Variants in GRB10 observed in about 807,000 individuals in gnomAD.
GRB10 encodes the protein growth factor receptor-bound protein 10.
Under a neutral mutation model 80.9 loss-of-function variants are expected in GRB10, and 20 were observed. The observed-to-expected ratio is 0.25, with a 90% CI of 0.17 to 0.36. GRB10 has a LOEUF of 0.36. Among genes scored for constraint, GRB10 ranks in the 10% least tolerant of loss-of-function variants. The pLI is 1.00. For synonymous variants in GRB10, 291 were observed against 291.5 expected (o/e 1.00, Z 0.02); for missense variants, 548 against 747.7 (o/e 0.73, Z 3.12).
intron 1 of GRB10, among the ~76,000 whole-genome samples, chr7:50,792,117 C>T (rs1279279471): frequency 6.6e-6 from 1 of 152,160 alleles, no homozygotes; most frequent in East Asian, 1.9e-4. Flanking sequence ...GGGCTCCAAA[C>T]GGCTGAATCA....
chr7:50,750,849 G>A (rs4947446), intron 3 of GRB10, among the ~76,000 whole-genome samples: 138,131 of 152,220 alleles, frequency 0.91, 62,825 homozygotes, highest in African/African-American at 0.96. Context: ...TGGGTCCCCA[G>A]ATAACTCACC....
intron 7 of GRB10, among the ~76,000 whole-genome samples, chr7:50,669,505 T>C (rs2715110): frequency 0.85 from 129,844 of 152,208 alleles, 55,613 homozygotes; most frequent in East Asian, 0.96. Context: ...GCCTCCAAAA[T>C]TGGGGATTAC....
intron 7 of GRB10, among the ~76,000 whole-genome samples, chr7:50,640,704 A>G (rs1297972409): frequency 1.3e-5 from 2 of 152,196 alleles, no homozygotes; most frequent in Non-Finnish European, 2.9e-5. Context: ...AAATCATCTC[A>G]CATTTAAAAT....
intron 2 of GRB10, among the ~76,000 whole-genome samples, chr7:50,774,105 C>T (rs1017251690): frequency 8.5e-5 from 13 of 152,210 alleles, no homozygotes; most frequent in African/African-American, 3.1e-4. Context: ...AAGACACTCA[C>T]AAAAACCACA....
chr7:50,773,910 T>C lies in GRB10; in HGVS notation c.-217+6717A>G, dbSNP rs577856034. 2.0e-5 allele frequency among the ~76,000 whole-genome samples: 3 copies of C among 152,202 alleles called. No individual in the cohort carries two copies. In the South Asian group the frequency reaches 6.2e-4, roughly 31 times the overall value. On this transcript the variant is annotated intron_variant, in intron 2 of 18. Transcript: ENST00000401949. ...TCTCGCTCTATCACCCAGGCTGGAG[T>C]GCAGTGGCGTGATCTCAGCTCACTG...
At chr7:50,788,807 G>A (rs1562724147) in intron 1 of GRB10, among the ~76,000 whole-genome samples, 1 of 152,200 alleles carries the variant, frequency 6.6e-6, no homozygotes, top group Non-Finnish European at 1.5e-5. Flanking sequence ...AGTCATTTCA[G>A]TCCCAGCTAG....
At chr7:50,734,467 C>T (rs1587659023) in intron 3 of GRB10, among the ~76,000 whole-genome samples, 2 of 137,114 alleles carry the variant, frequency 1.5e-5, no homozygotes, top group South Asian at 2.5e-4. Context: ...ACACCCCCCA[C>T]GCACGCCGCA....
At position 50,679,387 on chromosome 7, in the gene GRB10, A is replaced by G. The variant is rs186423059; in HGVS notation, c.140-4729T>C. 1.5e-3 allele frequency among the ~76,000 whole-genome samples: 231 copies of G among 152,360 alleles called. 1 individual carries two copies. The highest frequency in any genetic ancestry group is 2.9e-3 in the Non-Finnish European group (199 of 68,034). On this transcript the variant is annotated intron_variant, in intron 5 of 18. Transcript: ENST00000401949. ...GAGGACAGAGAAACTCCGGGGACAGAGGATTTAACTTCTAGCACCATCTCA... is the reference window on the plus strand; with the variant it reads ...GAGGACAGAGAAACTCCGGGGACAGGGGATTTAACTTCTAGCACCATCTCA...
chr7:50,755,524 A>G (rs2074720), intron 3 of GRB10, among the ~76,000 whole-genome samples: 93,921 of 151,426 alleles, frequency 0.62, 31,850 homozygotes, highest in Middle Eastern at 0.87. Flanking sequence ...GCTCACGAGG[A>G]GTGCCCAGAG....
intron 7 of GRB10, among the ~76,000 whole-genome samples, chr7:50,660,345 G>C (rs1467804654): frequency 6.6e-6 from 1 of 152,192 alleles, no homozygotes; most frequent in Non-Finnish European, 1.5e-5. Context: ...AAGGGAGGTA[G>C]GGCACAGCCA....
Position 50,608,993 on chromosome 7 carries a change from T to A in GRB10, c.1195-2579A>T, listed in dbSNP as rs1384417625. Among the ~76,000 whole-genome samples the A allele has an allele frequency of 4.0e-5, 6 of 148,638 alleles. No individual in the cohort carries two copies. In the East Asian group the frequency reaches 1.2e-3, roughly 29 times the overall value. ...AAAAAAAAAAAAAAAAGATGTGATA[T>A]CTAGGGTAACCAGGAGAAAATAGTA... On this transcript the variant is annotated intron_variant, in intron 13 of 18. Transcript: ENST00000401949.
At chr7:50,790,623 G>T (rs2078872159) in intron 1 of GRB10, among the ~76,000 whole-genome samples, 1 of 152,256 alleles carries the variant, frequency 6.6e-6, no homozygotes, top group African/African-American at 2.4e-5. Flanking sequence ...GCTCTGACAG[G>T]CTGGCAACCT....
At chr7:50,709,433 T>G (rs572072367) in intron 4 of GRB10, among the ~76,000 whole-genome samples, 59 of 152,354 alleles carry the variant, frequency 3.9e-4, no homozygotes, top group African/African-American at 1.4e-3. Context: ...CCAGCTGGGC[T>G]GTTCCTTCCG....
intron 13 of GRB10, among the ~76,000 whole-genome samples, chr7:50,609,984 G>C (rs1466802016): frequency 6.6e-6 from 1 of 152,064 alleles, no homozygotes; most frequent in Non-Finnish European, 1.5e-5. Flanking sequence ...GAAGGTCCTA[G>C]GTTAATTCAA....
At chr7:50,628,766 G>C (rs2153594196) in intron 7 of GRB10, among the ~76,000 whole-genome samples, 1 of 152,300 alleles carries the variant, frequency 6.6e-6, no homozygotes, top group Non-Finnish European at 1.5e-5. Flanking sequence ...TCAGGACCCA[G>C]AGACTTGTTT....
At chr7:50,787,349 T>TAC, upstream of GRB10, among the ~76,000 whole-genome samples, 2 of 152,250 alleles carry the variant, frequency 1.3e-5, no homozygotes, top group South Asian at 4.1e-4. Context: ...TGGAAGTACG[T>TAC]ACAGAAAAAA....
chr7:50,629,438 T>G (rs1585967822), intron 7 of GRB10, among the ~76,000 whole-genome samples: 2 of 152,106 alleles, frequency 1.3e-5, no homozygotes. Flanking sequence ...GGCGAGACCC[T>G]GAGGGGGCAA....
chr7:50,705,183 G>A (rs1158216553), intron 4 of GRB10: 5 of 985,578 alleles, frequency 5.1e-6, no homozygotes, highest in East Asian at 1.1e-4. Flanking sequence ...TGTGCTTCAC[G>A]GACCACTCAC....
chr7:50,616,538 A>G (rs886696268), intron 10 of GRB10, among the ~76,000 whole-genome samples, 191 bp from the exon 11 acceptor site: 8 of 152,248 alleles, frequency 5.3e-5, no homozygotes, highest in Non-Finnish European at 1.2e-4. Context: ...ATTCGTATTT[A>G]AACATATGCA....
Sources: gnomAD v4.1 joint callset for allele counts (sites outside exome capture counted in the v4.1 genomes callset) on GRCh38, gnomAD v4.1.1 for gene constraint, MANE v1.5 for transcripts, NCBI Gene and HGNC (gene_info 2026-07-23, HGNC 2026-07-21) for gene names.